FBXO15: variants seen among roughly 807,000 people sequenced by gnomAD.
FBXO15 encodes the protein F-box protein 15.
In FBXO15, 30 loss-of-function variants were observed where a neutral mutation model predicts 49.5. The observed-to-expected ratio is 0.61, with a 90% CI of 0.45 to 0.82. The LOEUF (loss-of-function observed/expected upper bound fraction) is 0.82, where lower values mean the gene tolerates loss of function less well. Among genes scored for constraint, FBXO15 ranks in the 40% least tolerant of loss-of-function variants. The probability of loss-of-function intolerance (pLI) is 0.00; values close to 1 mark genes in which losing one functional copy is unlikely to be tolerated. For synonymous variants in FBXO15, 250 were observed against 232.7 expected (o/e 1.07, Z -0.68); for missense variants, 591 against 631.5 (o/e 0.94, Z 0.69).
At chr18:74,079,907 C>T (rs1912419870) in intron 9 of FBXO15, among the ~76,000 whole-genome samples, 1 of 152,186 alleles carries the variant, frequency 6.6e-6, no homozygotes, top group South Asian at 2.1e-4. Flanking sequence ...CCGTCATTAT[C>T]ATTAATATTT....
chr18:74,120,686 G>A (rs1273918878), intron 8 of FBXO15, among the ~76,000 whole-genome samples: 1 of 152,168 alleles, frequency 6.6e-6, no homozygotes, highest in Non-Finnish European at 1.5e-5. Flanking sequence ...TTAGGTGGAA[G>A]TTCATAGCAC....
intron 8 of FBXO15, among the ~76,000 whole-genome samples, chr18:74,103,349 G>A (rs939473772): frequency 6.6e-6 from 1 of 151,206 alleles, no homozygotes; most frequent in African/African-American, 2.4e-5. Flanking sequence ...AGAATGAAAA[G>A]GAATGAAGAC....
intron 8 of FBXO15, among the ~76,000 whole-genome samples, chr18:74,112,589 A>G (rs949930744): frequency 6.6e-6 from 1 of 152,212 alleles, no homozygotes; most frequent in African/African-American, 2.4e-5. Context: ...CTTTCTCATT[A>G]AGATCAGCAA....
At chr18:74,134,107 T>C (rs1725088525) in intron 3 of FBXO15, among the ~76,000 whole-genome samples, 1 of 152,190 alleles carries the variant, frequency 6.6e-6, no homozygotes, top group African/African-American at 2.4e-5. Context: ...TGTGTGTTTG[T>C]GTGTGTGTGC....
chr18:74,139,147 T>G (rs1978908307), intron 2 of FBXO15, among the ~76,000 whole-genome samples: 1 of 152,144 alleles, frequency 6.6e-6, no homozygotes, highest in Admixed American at 6.5e-5. Flanking sequence ...CCTCCTGAAG[T>G]AAGTCTTTCC....
rs1979515555 is a variant in FBXO15, at chr18:74,147,535, C to T, written c.116+135G>A. The T allele has an allele frequency of 4.7e-6, 6 of 1,281,030 alleles. No homozygotes were observed. The African/African-American group carries it at 9.3e-5, about 20-fold the overall frequency. The allele number at this position is 1,281,030 out of a possible 1,614,324, so 79.4% of individuals were successfully genotyped here. ...GAAAGGATTTCCTCCGGTCGTTCTT[C>T]CATACCCTTCTCACGTTGAAGACGG... On this transcript the variant is annotated intron_variant, in intron 1 of 9. Coordinates refer to ENST00000419743, the MANE Select transcript of FBXO15 (RefSeq NM_001142958.2).
intron 8 of FBXO15, among the ~76,000 whole-genome samples, chr18:74,093,490 G>A (rs891809682): frequency 6.6e-6 from 1 of 152,176 alleles, no homozygotes; most frequent in African/African-American, 2.4e-5. Context: ...GGGGCCCTGG[G>A]AGAGGCCAGC....
At chr18:74,094,941 T>C (rs1353121087) in intron 8 of FBXO15, among the ~76,000 whole-genome samples, 1 of 152,248 alleles carries the variant, frequency 6.6e-6, no homozygotes. Context: ...TCCGGAGAAC[T>C]TGCTGCAACT....
intron 8 of FBXO15, among the ~76,000 whole-genome samples, chr18:74,087,102 C>T (rs1181434030): frequency 6.6e-6 from 1 of 152,100 alleles, no homozygotes; most frequent in Non-Finnish European, 1.5e-5. Flanking sequence ...TTCAAAAATA[C>T]TTTATTGCTA....
At chr18:74,091,714 C>T (rs909196509) in intron 8 of FBXO15, among the ~76,000 whole-genome samples, 1 of 152,322 alleles carries the variant, frequency 6.6e-6, no homozygotes, top group South Asian at 2.1e-4. Flanking sequence ...ACTAAAGGCA[C>T]TCATTCTTTT....
rs1172765971 is a variant in FBXO15 at position 74,075,487 on chromosome 18, A to C, written c.1264-1757T>G. Among the ~76,000 whole-genome samples the C allele has an allele frequency of 3.3e-5, 5 of 152,228 alleles. No homozygotes were observed. The highest frequency in any genetic ancestry group is 1.2e-4 in the African/African-American group (5 of 41,460). ...TAACTCCCATCTTAGAGAGGCAGAG[A>C]GAGGGAAACAGCCTCCCTGGGCCCC... is the stretch of plus-strand genomic sequence containing the variant. On this transcript the variant is annotated intron_variant, in intron 9 of 9. Coordinates refer to ENST00000419743, the MANE Select transcript of FBXO15 (RefSeq NM_001142958.2). The surrounding 1 kb of genome is among the most constrained non-coding windows in gnomAD (Gnocchi z 4.1).
At chr18:74,086,869 T>C (rs1599137615) in intron 8 of FBXO15, among the ~76,000 whole-genome samples, 1 of 152,328 alleles carries the variant, frequency 6.6e-6, no homozygotes, top group East Asian at 1.9e-4. Context: ...ATGCAGGATC[T>C]ACATAAAAGC....
intron 1 of FBXO15, among the ~76,000 whole-genome samples, chr18:74,144,817 T>G (rs958663318): frequency 6.6e-6 from 1 of 152,168 alleles, no homozygotes; most frequent in Non-Finnish European, 1.5e-5. Context: ...CCAGGGTGCT[T>G]AGATGTTTCA....
Position 74,073,620 on chromosome 18 carries a change from G to T in FBXO15, c.1374C>A (p.Ser458Arg), listed in dbSNP as rs749880622. ...CCACGTTGTATGTCTGTCCCAAGAA[G>T]CTAGAGCTGTCAGAGGGTGTGGCAG... ...RSPATPSDSSSFLGQTYNVDY... is the reference protein window; with the variant it reads ...RSPATPSDSSRFLGQTYNVDY... The change falls in exon 10 of 10, where the codon AGC (serine) becomes AGA (arginine). Residue 458 changes from serine (S) to arginine (R), a missense_variant. Ser to Arg is a moderately radical substitution (Grantham distance 110). Coordinates refer to ENST00000419743, the MANE Select transcript of FBXO15 (RefSeq NM_001142958.2). The T allele has an allele frequency of 9.9e-6, 16 of 1,614,096 alleles. No individual in the cohort carries two copies. Among genetic ancestry groups the T allele is most frequent in the Admixed American group, 5.0e-5 (3 of 60,006 alleles).
rs1356775235 is a variant in FBXO15 at position 74,083,884 on chromosome 18, G to A, written c.1139-1833C>T. On this transcript the variant is annotated intron_variant, in intron 8 of 9. Transcript: ENST00000419743. ...GAGTACTTATTGTATACCAACCACT[G>A]AGTTAGACACTTAACAGCTTAGAAG... Among the ~76,000 whole-genome samples, 3 of 152,164 alleles carry A rather than the reference G, an allele frequency of 2.0e-5. No homozygotes were observed. The East Asian group carries it at 5.8e-4, about 29-fold the overall frequency.
chr18:74,084,050 C>A (rs531499481), intron 8 of FBXO15, among the ~76,000 whole-genome samples: 2 of 152,288 alleles, frequency 1.3e-5, no homozygotes, highest in Admixed American at 1.3e-4. Context: ...TGATCCAAAC[C>A]CTGTTCTGTG....
intron 7 of FBXO15, 44 bp from the exon 8 acceptor site, chr18:74,123,554 G>A (rs753281160): frequency 2.6e-6 from 4 of 1,567,338 alleles, no homozygotes; most frequent in Non-Finnish European, 1.7e-6. Context: ...GTCAACACCA[G>A]GGATAAAATT....
chr18:74,112,551 A>T (rs1046565837), intron 8 of FBXO15, among the ~76,000 whole-genome samples: 29 of 152,232 alleles, frequency 1.9e-4, no homozygotes, highest in African/African-American at 7.0e-4. Context: ...TGTAGTTAAC[A>T]TTGTGCTTTA....
At chr18:74,081,618 A>C (rs575252913) in intron 9 of FBXO15, among the ~76,000 whole-genome samples, 207 of 152,320 alleles carry the variant, frequency 1.4e-3, no homozygotes, top group African/African-American at 4.8e-3. Flanking sequence ...TCCACAAAAC[A>C]GAGGGGCTTT....
Sources: allele counts gnomAD v4.1 joint callset (sites outside exome capture counted in the v4.1 genomes callset), GRCh38; gene constraint gnomAD v4.1.1; non-coding constraint Gnocchi (gnomAD v3.1); transcripts MANE v1.5; gene names NCBI Gene and HGNC (gene_info 2026-07-23, HGNC 2026-07-21).